CMPK2: variants seen among roughly 807,000 people sequenced by gnomAD.
CMPK2 encodes cytidine/uridine monophosphate kinase 2.
Under a neutral mutation model 33.4 loss-of-function variants are expected in CMPK2, and 32 were observed. The ratio of observed to expected loss-of-function variants is 0.96; its 90% CI spans 0.72 to 1.29. The LOEUF is 1.29. Among genes scored for constraint, CMPK2 ranks in the 50% most tolerant of loss-of-function variants. The pLI, the probability that CMPK2 is intolerant of heterozygous loss-of-function variation, is 0.00. For synonymous variants in CMPK2, 299 were observed against 275.3 expected, an observed-to-expected ratio of 1.09 and a Z score of -0.85; for missense variants, 672 against 616.0, an observed-to-expected ratio of 1.09 and a Z score of -0.96.
chr2:6,863,470 C>T lies in CMPK2; in HGVS notation c.784G>A (p.Ala262Thr), dbSNP rs1480690012. Residue 262 changes from alanine to threonine, a missense_variant, in exon 2 of 5, where the codon GCC becomes ACC. By Grantham distance (58) the Ala-to-Thr change is moderately conservative. Coordinates refer to ENST00000256722, the MANE Select transcript of CMPK2 (RefSeq NM_207315.4). ...FQVVAIEGLDATGKTTVTQSV... is the reference protein window; with the variant it reads ...FQVVAIEGLDTTGKTTVTQSV... ...AAAGGTAATATTATCTTACCCGTGGCATCCAGTCCTTCGATGGCAACAACC... is the reference window on the plus strand; with the variant it reads ...AAAGGTAATATTATCTTACCCGTGGTATCCAGTCCTTCGATGGCAACAACC... 2 of 1,613,180 alleles carry T rather than the reference C, an allele frequency of 1.2e-6. No individual in the cohort carries two copies. The highest frequency in any genetic ancestry group is 1.1e-5 in the South Asian group (1 of 91,030).
intron 3 of CMPK2, among the ~76,000 whole-genome samples, chr2:6,841,176 G>A (rs985526162): frequency 2.6e-5 from 4 of 152,126 alleles, no homozygotes; most frequent in Admixed American, 1.3e-4. Context: ...AGTCCAAAAC[G>A]AGGAATTATT....
chr2:6,854,310 G>T (rs1043890676), intron 3 of CMPK2, among the ~76,000 whole-genome samples: 5 of 152,078 alleles, frequency 3.3e-5, no homozygotes, highest in African/African-American at 1.2e-4. Context: ...ATTTTTAAAG[G>T]TAATGGGGTG....
intron 2 of CMPK2, 137 bp downstream of exon 2, chr2:6,863,327 G>T: frequency 1.5e-6 from 1 of 677,586 alleles, no homozygotes; most frequent in Non-Finnish European, 2.6e-6. Context: ...CCCAGGGCCT[G>T]CCTAGCACAG....
In CMPK2 at chr2:6,848,631, TA is replaced by T. The variant is rs1323218881; in HGVS notation, c.*1218del. 4.1e-6 allele frequency: 4 copies of T among 969,976 alleles called. No individual in the cohort carries two copies. The East Asian group carries it at 4.6e-4, about 111-fold the overall frequency. 60.1% of individuals were successfully genotyped at this position (969,976 alleles called of 1,614,324 possible). On this transcript the variant is annotated 3_prime_UTR_variant, in exon 5 of 5. Coordinates refer to ENST00000256722, the MANE Select transcript of CMPK2 (RefSeq NM_207315.4). ...TCTATATGCAGACCTGATAAAGCCT[TA>T]AATTTAATTATTTTGGAGTAATGTC... is the stretch of plus-strand genomic sequence containing the variant.
At chr2:6,844,829 G>A (rs575826095), downstream of CMPK2, among the ~76,000 whole-genome samples, 11 of 152,282 alleles carry the variant, frequency 7.2e-5, no homozygotes, top group Admixed American at 5.9e-4. Flanking sequence ...AAACACTTAC[G>A]TTAAATTTTG....
upstream of CMPK2, chr2:6,866,082 C>T (rs1166125179): frequency 3.8e-6 from 1 of 263,872 alleles, no homozygotes; most frequent in African/African-American, 2.3e-5. Context: ...GCTGGCGGCC[C>T]CGACCCTGGT....
intron 3 of CMPK2, among the ~76,000 whole-genome samples, chr2:6,853,374 G>C (rs1662583218): frequency 6.6e-6 from 1 of 152,086 alleles, no homozygotes; most frequent in Admixed American, 6.6e-5. Flanking sequence ...TATTCTGCCT[G>C]TGTCCCCCGC....
intron 3 of CMPK2, 50 bp downstream of exon 3, chr2:6,861,134 A>T (rs567309381): frequency 1.5e-4 from 152 of 990,642 alleles, no homozygotes; most frequent in Middle Eastern, 9.0e-4. Context: ...ACACCCACAC[A>T]CTTATATATT....
chr2:6,848,449 T>A lies in CMPK2; in HGVS notation c.*1401A>T. On this transcript the variant is annotated 3_prime_UTR_variant, in exon 5 of 5. Coordinates refer to ENST00000256722, the MANE Select transcript of CMPK2 (RefSeq NM_207315.4). ...AAATAAAACCAATAATACAGCTAGATACCACATTGCAAAGAACCCTAATGC... is the reference window on the plus strand; with the variant it reads ...AAATAAAACCAATAATACAGCTAGAAACCACATTGCAAAGAACCCTAATGC... The A allele has an allele frequency of 1.0e-6, 1 of 981,832 alleles. No homozygotes were observed. Among genetic ancestry groups the A allele is most frequent in the Non-Finnish European group, 1.2e-6 (1 of 826,632 alleles). The allele number at this position is 981,832 out of a possible 1,614,324, so 60.8% of individuals were successfully genotyped here.
chr2:6,849,143 A>C lies in CMPK2; in HGVS notation c.*707T>G. The C allele has an allele frequency of 1.0e-6, 1 of 984,446 alleles. No individual in the cohort carries two copies. Among genetic ancestry groups the C allele is most frequent in the East Asian group, 1.1e-4 (1 of 8,814 alleles). The allele number at this position is 984,446 out of a possible 1,614,324, so 61.0% of individuals were successfully genotyped here. A position where few individuals can be genotyped will look rare whatever the true frequency, so the allele number is the denominator to read the frequency against. ...GAAAAGAAATATAAATAAGCAAAAT[A>C]TAATTCAGAGAAGGTTGGTATATTT... On this transcript the variant is annotated 3_prime_UTR_variant, in exon 5 of 5. Transcript: ENST00000256722.
chr2:6,849,637 C>T lies in CMPK2; in HGVS notation c.*213G>A. 7.3e-7 allele frequency: 1 copy of T among 1,374,626 alleles called. No homozygotes were observed. The highest frequency in any genetic ancestry group is 9.3e-7 in the Non-Finnish European group (1 of 1,070,198). The allele number at this position is 1,374,626 out of a possible 1,614,324, so 85.2% of individuals were successfully genotyped here. A position where few individuals can be genotyped will look rare whatever the true frequency, so the allele number is the denominator to read the frequency against. On this transcript the variant is annotated 3_prime_UTR_variant, in exon 5 of 5. Transcript: ENST00000256722. ...GAAGAAAGCAATCGCTGGCCTCTCA[C>T]TGGAACATGATGAGAGGGACCTTTG...
chr2:6,857,911 T>C (rs1036373448), intron 3 of CMPK2, among the ~76,000 whole-genome samples: 14 of 152,290 alleles, frequency 9.2e-5, no homozygotes, highest in African/African-American at 3.4e-4. Context: ...AAGCTATTTC[T>C]TACAGGTGAA....
chr2:6,863,563 G>C lies in CMPK2; in HGVS notation c.691C>G (p.Pro231Ala). Residue 231 changes from proline (P) to alanine (A), a missense_variant, in exon 2 of 5, where the codon CCT becomes GCT. Transcript: ENST00000256722. The part of the protein sequence containing the change: ...AVLEECTSFI[P>A]EARAVLDLVD... ...AGGTCAAGCACTGCCCGGGCTTCAG[G>C]AATAAAGGAGGTACACTGTAAAACA... 1 of 1,613,904 alleles carries C rather than the reference G, an allele frequency of 6.2e-7. No individual in the cohort carries two copies. Among genetic ancestry groups the C allele is most frequent in the Non-Finnish European group, 8.5e-7 (1 of 1,179,858 alleles).
intron 3 of CMPK2, among the ~76,000 whole-genome samples, chr2:6,860,777 T>C (rs978485507): frequency 2.6e-5 from 4 of 152,200 alleles, no homozygotes; most frequent in African/African-American, 7.2e-5. Context: ...CAGTAAGTAT[T>C]TGTTGAATAA....
downstream of CMPK2, among the ~76,000 whole-genome samples, chr2:6,847,906 A>G (rs1213321624): frequency 2.0e-5 from 3 of 152,212 alleles, no homozygotes; most frequent in African/African-American, 7.2e-5. Context: ...GAAGAAAGGA[A>G]GAATAAATTT....
At chr2:6,845,623 C>A (rs575137331), downstream of CMPK2, among the ~76,000 whole-genome samples, 6 of 152,212 alleles carry the variant, frequency 3.9e-5, no homozygotes, top group Admixed American at 1.3e-4. Flanking sequence ...ATTCCTAGAC[C>A]CACTCAACCC....
chr2:6,865,146 C>G lies in CMPK2; in HGVS notation c.551G>C (p.Arg184Pro). Residue 184 changes from arginine to proline, a missense_variant, in exon 1 of 5, where the codon CGG (arginine) becomes CCG (proline). By Grantham distance (103) the Arg-to-Pro change is moderately radical. Coordinates refer to ENST00000256722, the MANE Select transcript of CMPK2 (RefSeq NM_207315.4). ...QRLWEVQDGR[R>P]LQVGCAQVVP... The stretch of plus-strand genomic sequence containing the variant: ...GACCTGTGCGCAGCCCACCTGCAGC[C>G]GCCTGCCGTCTTGCACCTCCCAGAG... 1.3e-6 allele frequency: 2 copies of G among 1,529,180 alleles called. No individual in the cohort carries two copies. Among genetic ancestry groups the G allele is most frequent in the Non-Finnish European group, 1.8e-6 (2 of 1,139,440 alleles). The allele number at this position is 1,529,180 out of a possible 1,614,324, so 94.7% of individuals were successfully genotyped here.
intron 3 of CMPK2, among the ~76,000 whole-genome samples, chr2:6,842,111 T>G (rs1461791878): frequency 6.6e-6 from 1 of 152,178 alleles, no homozygotes; most frequent in Non-Finnish European, 1.5e-5. Flanking sequence ...AGGTTCCTTG[T>G]TCTATAATAG....
In CMPK2 at chr2:6,865,514, G is replaced by A; in HGVS notation, c.183C>T (p.Arg61=). 2 of 1,274,630 alleles carry A rather than the reference G, an allele frequency of 1.6e-6. No homozygotes were observed. The highest frequency in any genetic ancestry group is 3.1e-5 in the African/African-American group (2 of 64,138). The allele number at this position is 1,274,630 out of a possible 1,614,324, so 79.0% of individuals were successfully genotyped here. ...CCGGGGGCCCCAGCAGCGCCGCCAG[G>A]CGGGGGTCGGGGGCGTCTGCGTCGC... ...APGDADAPDP[R]LAALLGPPER... Residue 61 remains arginine, a synonymous_variant, in exon 1 of 5, where the codon CGC becomes CGT. Transcript: ENST00000256722.
Sources: allele counts gnomAD v4.1 joint callset (sites outside exome capture counted in the v4.1 genomes callset), GRCh38; gene constraint gnomAD v4.1.1; transcripts MANE v1.5; gene names NCBI Gene and HGNC (gene_info 2026-07-23, HGNC 2026-07-21).